The following GORASP1 variants were observed in gnomAD, a reference collection of about 807,000 sequenced individuals.
The protein encoded by GORASP1 is Golgi reassembly-stacking protein 1.
A neutral mutation model predicts 37.7 loss-of-function variants in GORASP1; 31 were observed. That is an observed-to-expected ratio of 0.82 (90% CI 0.62 to 1.11). The LOEUF is 1.11. GORASP1 is among the 50% of genes least tolerant of loss of function. GORASP1 has a pLI of 0.00. For missense variants in GORASP1, 476 were observed against 560.7 expected, an observed-to-expected ratio of 0.85 and a Z score of 1.53; for synonymous variants, 204 against 224.8, an observed-to-expected ratio of 0.91 and a Z score of 0.83.
chr3:39,099,631 T>G, intron 6 of GORASP1, 128 bp from the exon 7 acceptor site: 1 of 1,033,162 alleles, frequency 9.7e-7, no homozygotes. Context: ...AGGAAGGAAA[T>G]GGCCTTAATA....
chr3:39,098,897 G>A lies in GORASP1; in HGVS notation c.917-4C>T, dbSNP rs367684622. The A allele has an allele frequency of 6.2e-7, 1 of 1,613,754 alleles. No homozygotes were observed. The highest frequency in any genetic ancestry group is 8.5e-7 in the Non-Finnish European group (1 of 1,179,878). ...ATTCCCGACACGTCCAGGAAGCCTA[G>A]GGGAGGGTGGTGCAGTTCTTTGCCA... On this transcript the variant is annotated splice_region_variant and splice_polypyrimidine_tract_variant and intron_variant, in intron 7 of 8. Transcript: ENST00000319283. This position sits in a 1 kb window ranked among gnomAD's most constrained non-coding sequence, Gnocchi z 4.7.
intron 1 of GORASP1, chr3:39,107,111 C>T (rs535352550): frequency 2.1e-6 from 1 of 482,202 alleles, no homozygotes; most frequent in South Asian, 1.5e-5. Flanking sequence ...CGGAGAGCGG[C>T]CCGCGGCAGG....
chr3:39,102,297 G>A lies in GORASP1; in HGVS notation c.348+381C>T, dbSNP rs1320046285. Among the ~76,000 whole-genome samples the A allele has an allele frequency of 2.0e-5, 3 of 152,192 alleles. No individual in the cohort carries two copies. Among genetic ancestry groups the A allele is most frequent in the Admixed American group, 1.3e-4 (2 of 15,298 alleles). On this transcript the variant is annotated intron_variant, in intron 3 of 8. Transcript: ENST00000319283. The surrounding 1 kb of genome is among the most constrained non-coding windows in gnomAD (Gnocchi z 5.0). Reference sequence around the variant, plus strand: ...GGGATCACTATTGTATATGCAGTCCGTGGTTGACTGAAACGTTGTCATGCA... The same window carrying A: ...GGGATCACTATTGTATATGCAGTCCATGGTTGACTGAAACGTTGTCATGCA...
chr3:39,104,064 CCTCTGGGGTGGGAGACCCAGG>C (rs1463483428), intron 1 of GORASP1, among the ~76,000 whole-genome samples: 1 of 152,162 alleles, frequency 6.6e-6, no homozygotes, highest in African/African-American at 2.4e-5. Flanking sequence ...TGCACCCCAG[CCTCTGGGGTGGGAGACCCAGG>C]CTCAGTCCAG....
intron 1 of GORASP1, chr3:39,107,024 C>G (rs1366793736): frequency 4.4e-6 from 2 of 456,968 alleles, no homozygotes; most frequent in Admixed American, 2.4e-5. Context: ...CGGGCTCCCC[C>G]GCAGCTGCGT....
rs1219559065 is a variant in GORASP1, at chr3:39,096,788, C to G, written c.*1448G>C. 6.6e-6 allele frequency: 1 copy of G among 152,176 alleles called. No individual in the cohort carries two copies. Among genetic ancestry groups the G allele is most frequent in the Non-Finnish European group, 1.5e-5 (1 of 68,036 alleles). 9.4% of individuals were successfully genotyped at this position (152,176 alleles called of 1,614,324 possible). ...ATATTAGCATTGATACCCATTTTATCCTCCAACTTATGGGGGAAGGGAAAG... is the reference window on the plus strand; with the variant it reads ...ATATTAGCATTGATACCCATTTTATGCTCCAACTTATGGGGGAAGGGAAAG... On this transcript the variant is annotated 3_prime_UTR_variant, in exon 9 of 9. Coordinates refer to ENST00000319283, the MANE Select transcript of GORASP1 (RefSeq NM_031899.4).
intron 3 of GORASP1, among the ~76,000 whole-genome samples, chr3:39,101,733 G>A (rs538992745): frequency 2.0e-5 from 3 of 152,312 alleles, no homozygotes; most frequent in South Asian, 4.1e-4. Flanking sequence ...AAGGCAGGCT[G>A]TGAAAGTTGA....
rs763691317 is a variant in GORASP1 at position 39,101,005 on chromosome 3, G to C, written c.435+11C>G. On this transcript the variant is annotated intron_variant, in intron 4 of 8. Coordinates refer to ENST00000319283, the MANE Select transcript of GORASP1 (RefSeq NM_031899.4). ...GAGGGTCTGGGGAGGGGCAAATTGC[G>C]GGTTCCTCACCTCCTGGAGAATCTG... is the stretch of plus-strand genomic sequence containing the variant. 1 of 1,614,074 alleles carries C rather than the reference G, an allele frequency of 6.2e-7. No homozygotes were observed. The highest frequency in any genetic ancestry group is 1.1e-5 in the South Asian group (1 of 91,076).
In GORASP1 at chr3:39,100,377, A is replaced by G; in HGVS notation, c.693T>C (p.Ala231=). Residue 231 remains alanine (A), a synonymous_variant, in exon 6 of 9, where the codon GCT becomes GCC. Coordinates refer to ENST00000319283, the MANE Select transcript of GORASP1 (RefSeq NM_031899.4). This position sits in a 1 kb window ranked among gnomAD's most constrained non-coding sequence, Gnocchi z 4.6. The stretch of plus-strand genomic sequence containing the variant: ...CCTCGGGGGTGGGTCCAGGTGGTAG[A>G]GCATCAGGTGGTGGGGCACCAAGTG... The part of the protein sequence containing the change: ...ALPLGAPPPD[A]LPPGPTPEDS... The G allele has an allele frequency of 1.2e-6, 2 of 1,614,052 alleles. No individual in the cohort carries two copies. The highest frequency in any genetic ancestry group is 8.5e-7 in the Non-Finnish European group (1 of 1,179,984).
At chr3:39,106,317 T>C (rs2036078659) in intron 1 of GORASP1, among the ~76,000 whole-genome samples, 1 of 152,150 alleles carries the variant, frequency 6.6e-6, no homozygotes, top group African/African-American at 2.4e-5. Context: ...CCTCCCGTCT[T>C]CGAAGCTCCC....
rs571443821 is a variant in GORASP1, at chr3:39,101,002, T to C, written c.435+14A>G. The stretch of plus-strand genomic sequence containing the variant: ...CCAGAGGGTCTGGGGAGGGGCAAAT[T>C]GCGGGTTCCTCACCTCCTGGAGAAT... On this transcript the variant is annotated intron_variant, in intron 4 of 8. Coordinates refer to ENST00000319283, the MANE Select transcript of GORASP1 (RefSeq NM_031899.4). 2 of 1,614,098 alleles carry C rather than the reference T, an allele frequency of 1.2e-6. No individual in the cohort carries two copies. The highest frequency in any genetic ancestry group is 1.7e-5 in the Admixed American group (1 of 60,022).
chr3:39,107,526 T>C lies in GORASP1; in HGVS notation c.16A>G (p.Ser6Gly), dbSNP rs2036283921. The C allele has an allele frequency of 1.3e-6, 2 of 1,504,386 alleles. No individual in the cohort carries two copies. Among genetic ancestry groups the C allele is most frequent in the Non-Finnish European group, 1.8e-6 (2 of 1,137,350 alleles). The allele number at this position is 1,504,386 out of a possible 1,614,324, so 93.2% of individuals were successfully genotyped here. The change falls in exon 1 of 9, where the codon AGC (serine) becomes GGC (glycine). Residue 6 changes from serine (S) to glycine (G), a missense_variant. By Grantham distance (56) the Ser-to-Gly change is moderately conservative (BLOSUM62 0). Coordinates refer to ENST00000319283, the MANE Select transcript of GORASP1 (RefSeq NM_031899.4). ...GCGCCGCCTGCGGGCTGCTCAGCGC[T>C]GACGCCCAGGCCCATGGCAGCGGCT... MGLGV[S>G]AEQPAGGAEG...
Position 39,098,850 on chromosome 3 carries a change from A to T in GORASP1, c.960T>A (p.Asn320Lys), listed in dbSNP as rs1339185596. Reference protein sequence around the residue: ...VSGISLLDNSNASVWPSLPSS... With the variant: ...VSGISLLDNSKASVWPSLPSS... ...AGGGCAGGCTGGGCCACACACTGGC[A>T]TTGCTGTTGTCCAAGAGAGAAATTC... The change falls in exon 8 of 9, where the codon AAT (asparagine) becomes AAA (lysine). Residue 320 changes from asparagine to lysine, a missense_variant. Coordinates refer to ENST00000319283, the MANE Select transcript of GORASP1 (RefSeq NM_031899.4). The surrounding 1 kb of genome is among the most constrained non-coding windows in gnomAD (Gnocchi z 4.7). The T allele has an allele frequency of 6.2e-7, 1 of 1,614,020 alleles. No homozygotes were observed. The highest frequency in any genetic ancestry group is 8.5e-7 in the Non-Finnish European group (1 of 1,180,014).
Position 39,098,181 on chromosome 3 carries a change from G to A in GORASP1, c.*55C>T, listed in dbSNP as rs1249470474. On this transcript the variant is annotated 3_prime_UTR_variant, in exon 9 of 9. Coordinates refer to ENST00000319283, the MANE Select transcript of GORASP1 (RefSeq NM_031899.4). The surrounding 1 kb of genome is among the most constrained non-coding windows in gnomAD (Gnocchi z 4.7). ...CCGCATAGTGCAGCCCGGGCTGCCT[G>A]CCCACATCTGGGCCTCATGAAATGT... 4 of 1,582,266 alleles carry A rather than the reference G, an allele frequency of 2.5e-6. No individual in the cohort carries two copies. Among genetic ancestry groups the A allele is most frequent in the Middle Eastern group, 3.4e-4 (2 of 5,896 alleles).
In GORASP1 at chr3:39,103,473, C is replaced by T. The variant is rs1168857573; in HGVS notation, c.144G>A (p.Leu48=). The T allele has an allele frequency of 6.2e-6, 10 of 1,611,178 alleles. No individual in the cohort carries two copies. The highest frequency in any genetic ancestry group is 8.5e-6 in the Non-Finnish European group (10 of 1,178,574). Residue 48 remains leucine (L), a splice_region_variant and synonymous_variant, in exon 2 of 9, where the codon CTG becomes CTA. Coordinates refer to ENST00000319283, the MANE Select transcript of GORASP1 (RefSeq NM_031899.4). The surrounding 1 kb of genome is among the most constrained non-coding windows in gnomAD (Gnocchi z 5.2). Reference sequence around the variant, plus strand: ...AGCAGAGGCAGGTTGGGGAACTCACCAGCCTCGAGTGCCCAATGGTGATGA... The same window carrying T: ...AGCAGAGGCAGGTTGGGGAACTCACTAGCCTCGAGTGCCCAATGGTGATGA... The part of the protein sequence containing the change: ...DFIITIGHSR[L]NKENDTLKAL...
At position 39,107,579 on chromosome 3, in the gene GORASP1, T is replaced by G; in HGVS notation, c.-38A>C. On this transcript the variant is annotated 5_prime_UTR_variant, in exon 1 of 9. Transcript: ENST00000319283. ...GCTCGGCACCCAGGTCCAGTCCCGC[T>G]GCGCCTACCCGGACCGACCCGACGC... 2 of 1,483,144 alleles carry G rather than the reference T, an allele frequency of 1.3e-6. No homozygotes were observed. Among genetic ancestry groups the G allele is most frequent in the Non-Finnish European group, 8.9e-7 (1 of 1,124,322 alleles). The allele number at this position is 1,483,144 out of a possible 1,614,324, so 91.9% of individuals were successfully genotyped here.
intron 1 of GORASP1, among the ~76,000 whole-genome samples, chr3:39,104,990 C>T (rs1006833402): frequency 2.6e-5 from 4 of 152,184 alleles, no homozygotes; most frequent in Non-Finnish European, 4.4e-5. Flanking sequence ...AATCACTCCA[C>T]GTCAGGTGCC....
At chr3:39,106,888 G>A (rs1021887652) in intron 1 of GORASP1, 1 of 289,272 alleles carries the variant, frequency 3.5e-6, no homozygotes, top group Admixed American at 4.4e-5. Context: ...AGCTGCAAAC[G>A]CTCTCCTCGA....
chr3:39,102,320 G>A lies in GORASP1; in HGVS notation c.348+358C>T, dbSNP rs1187955660. On this transcript the variant is annotated intron_variant, in intron 3 of 8. Coordinates refer to ENST00000319283, the MANE Select transcript of GORASP1 (RefSeq NM_031899.4). The surrounding 1 kb of genome is among the most constrained non-coding windows in gnomAD (Gnocchi z 5.0). ...CCGTGGTTGACTGAAACGTTGTCATGCAACACACACACGGAGAGACACAGA... is the reference window on the plus strand; with the variant it reads ...CCGTGGTTGACTGAAACGTTGTCATACAACACACACACGGAGAGACACAGA... Among the ~76,000 whole-genome samples the A allele has an allele frequency of 6.6e-6, 1 of 152,140 alleles. No homozygotes were observed. The highest frequency in any genetic ancestry group is 1.5e-5 in the Non-Finnish European group (1 of 68,028).
Sources: gnomAD v4.1 joint callset for allele counts (sites outside exome capture counted in the v4.1 genomes callset) on GRCh38, gnomAD v4.1.1 for gene constraint, Gnocchi (gnomAD v3.1) non-coding constraint, MANE v1.5 for transcripts, NCBI Gene and HGNC (gene_info 2026-07-23, HGNC 2026-07-21) for gene names.